FARP2: variants seen among roughly 807,000 people sequenced by gnomAD.
FARP2 encodes FERM, ARHGEF and pleckstrin domain-containing protein 2.
In FARP2, 111 loss-of-function variants were observed where a neutral mutation model predicts 130.5. The ratio of observed to expected loss-of-function variants is 0.85; its 90% CI spans 0.73 to 1.00. The LOEUF is 1.00. Among genes scored for constraint, FARP2 ranks in the 50% least tolerant of loss-of-function variants. The pLI is 0.00. For synonymous variants in FARP2, 504 were observed against 516.9 expected, an observed-to-expected ratio of 0.98 and a Z score of 0.34; for missense variants, 1,385 against 1,346.3, an observed-to-expected ratio of 1.03 and a Z score of -0.45.
rs969829778 is a variant in FARP2, at chr2:241,466,272, G to C, written c.1894-1868G>C. 3.0e-6 allele frequency: 3 copies of C among 985,452 alleles called. No homozygotes were observed. In the East Asian group the frequency reaches 3.4e-4, roughly 112 times the overall value. The allele number at this position is 985,452 out of a possible 1,614,324, so 61.0% of individuals were successfully genotyped here. ...GTGGTCCCTGGAGCCCCGGTGTGGA[G>C]TGGTGAGTCCCGGAGTAGTGCTTGT... On this transcript the variant is annotated intron_variant, in intron 17 of 26. Coordinates refer to ENST00000264042, the MANE Select transcript of FARP2 (RefSeq NM_014808.4).
intron 2 of FARP2, chr2:241,395,816 G>C (rs1330828583): frequency 6.6e-6 from 1 of 151,992 alleles, no homozygotes; most frequent in Non-Finnish European, 1.5e-5. Flanking sequence ...TTGTTTGTTT[G>C]TTTTCCAATA....
At chr2:241,377,050 C>T (rs1030422676) in intron 2 of FARP2, among the ~76,000 whole-genome samples, 1 of 152,144 alleles carries the variant, frequency 6.6e-6, no homozygotes, top group African/African-American at 2.4e-5. Context: ...TGTTTTCTAA[C>T]CTCAGGAATT....
chr2:241,399,706 T>G (rs1463227006), intron 2 of FARP2, among the ~76,000 whole-genome samples: 1 of 152,204 alleles, frequency 6.6e-6, no homozygotes, highest in African/African-American at 2.4e-5. Context: ...GGTTGTAATA[T>G]TCAGGTAGTC....
At chr2:241,464,135 C>T (rs1366290035) in intron 17 of FARP2, among the ~76,000 whole-genome samples, 155 bp downstream of exon 17, 1 of 151,992 alleles carries the variant, frequency 6.6e-6, no homozygotes, top group Admixed American at 6.5e-5. Flanking sequence ...GAACAGGGCC[C>T]CCTCAGAGCA....
At chr2:241,460,240 T>A (rs900621267) in intron 14 of FARP2, among the ~76,000 whole-genome samples, 1 of 152,168 alleles carries the variant, frequency 6.6e-6, no homozygotes, top group African/African-American at 2.4e-5. Context: ...GGACCAGCTC[T>A]GCCCCCAGAG....
chr2:241,381,300 AC>A (rs2061658533), intron 2 of FARP2, among the ~76,000 whole-genome samples: 1 of 151,776 alleles, frequency 6.6e-6, no homozygotes, highest in Non-Finnish European at 1.5e-5. Context: ...ACTCAGCTGT[AC>A]CCCGGCCTGC....
At chr2:241,465,239 A>T (rs1394279978) in intron 17 of FARP2, among the ~76,000 whole-genome samples, 1 of 152,062 alleles carries the variant, frequency 6.6e-6, no homozygotes, top group Admixed American at 6.6e-5. Context: ...GTCCTCCTCA[A>T]TGGGTCTGCC....
At chr2:241,414,627 G>T (rs191691563) in intron 7 of FARP2, among the ~76,000 whole-genome samples, 1 of 152,270 alleles carries the variant, frequency 6.6e-6, no homozygotes, top group African/African-American at 2.4e-5. Context: ...TGTGGATTTC[G>T]TGCACCTCAC....
chr2:241,438,876 T>C (rs1412253650), intron 12 of FARP2, among the ~76,000 whole-genome samples: 2 of 151,940 alleles, frequency 1.3e-5, no homozygotes, highest in African/African-American at 4.8e-5. Context: ...ATGATCCACC[T>C]GCTCAGCCTC....
At chr2:241,413,667 G>A (rs2062585942) in intron 7 of FARP2, among the ~76,000 whole-genome samples, 1 of 152,224 alleles carries the variant, frequency 6.6e-6, no homozygotes, top group Non-Finnish European at 1.5e-5. Context: ...AAGAAGCCAG[G>A]CACGGTGGCT....
At chr2:241,412,169 A>G (rs772013305) in intron 6 of FARP2, among the ~76,000 whole-genome samples, 10 of 152,204 alleles carry the variant, frequency 6.6e-5, no homozygotes, top group African/African-American at 1.7e-4. Flanking sequence ...CACTGCTGAT[A>G]GAGATGTGGC....
intron 13 of FARP2, among the ~76,000 whole-genome samples, chr2:241,453,480 G>A (rs2063735213): frequency 6.6e-6 from 1 of 151,822 alleles, no homozygotes; most frequent in Non-Finnish European, 1.5e-5. Flanking sequence ...AAATTAGCCA[G>A]GCATGGTGGT....
intron 6 of FARP2, among the ~76,000 whole-genome samples, chr2:241,412,061 G>A (rs2062533261): frequency 6.6e-6 from 1 of 152,058 alleles, no homozygotes; most frequent in Admixed American, 6.6e-5. Context: ...ATATGACTAG[G>A]GTCCACATCT....
chr2:241,388,900 C>A (rs2061846939), intron 2 of FARP2, among the ~76,000 whole-genome samples: 2 of 152,114 alleles, frequency 1.3e-5, no homozygotes, highest in Non-Finnish European at 1.5e-5. Context: ...GCCTTACCAC[C>A]AATATGGTGG....
intron 19 of FARP2, among the ~76,000 whole-genome samples, chr2:241,476,214 TAAAA>T (rs57746386): frequency 3.7e-5 from 4 of 108,156 alleles, no homozygotes; most frequent in South Asian, 3.0e-4. Flanking sequence ...TTCTATGAAT[TAAAA>T]AAAAAAAAAA....
chr2:241,456,727 C>G lies in FARP2; in HGVS notation c.1412-20C>G. The G allele has an allele frequency of 1.2e-6, 2 of 1,613,768 alleles. No individual in the cohort carries two copies. The highest frequency in any genetic ancestry group is 1.7e-6 in the Non-Finnish European group (2 of 1,179,722). On this transcript the variant is annotated intron_variant, in intron 13 of 26. Coordinates refer to ENST00000264042, the MANE Select transcript of FARP2 (RefSeq NM_014808.4). ...CCCTTTCTCATTTCTCGCTCCATCCCCCTCCCCGTTCATTTCCAGGCCTTT... is the reference window on the plus strand; with the variant it reads ...CCCTTTCTCATTTCTCGCTCCATCCGCCTCCCCGTTCATTTCCAGGCCTTT...
intron 19 of FARP2, among the ~76,000 whole-genome samples, chr2:241,481,998 C>A (rs551179656): frequency 6.6e-6 from 1 of 152,308 alleles, no homozygotes; most frequent in Non-Finnish European, 1.5e-5. Flanking sequence ...TCTCTAAAGT[C>A]ATGTCTGGAT....
At chr2:241,406,256 C>G (rs778922754) in intron 4 of FARP2, among the ~76,000 whole-genome samples, 14 of 151,476 alleles carry the variant, frequency 9.2e-5, no homozygotes, top group Admixed American at 2.0e-4. Context: ...TGCAGTGAGC[C>G]GAGATCACGT....
chr2:241,475,057 A>G lies in FARP2; in HGVS notation c.2132-800A>G, dbSNP rs1480123217. On this transcript the variant is annotated intron_variant, in intron 18 of 26. Coordinates refer to ENST00000264042, the MANE Select transcript of FARP2 (RefSeq NM_014808.4). This position sits in a 1 kb window ranked among gnomAD's most constrained non-coding sequence, Gnocchi z 4.4. Reference sequence around the variant, plus strand: ...TTCTCTTATCTTTGCTTGAACTATAAGATTAGCATCTGTTCCTGGTTAAAA... The same window carrying G: ...TTCTCTTATCTTTGCTTGAACTATAGGATTAGCATCTGTTCCTGGTTAAAA... Among the ~76,000 whole-genome samples, 2 of 152,228 alleles carry G rather than the reference A, an allele frequency of 1.3e-5. 1 individual carries two copies. Among genetic ancestry groups the G allele is most frequent in the Admixed American group, 1.3e-4 (2 of 15,284 alleles).
Sources: allele counts gnomAD v4.1 joint callset (sites outside exome capture counted in the v4.1 genomes callset), GRCh38; gene constraint gnomAD v4.1.1; non-coding constraint Gnocchi (gnomAD v3.1); transcripts MANE v1.5; gene names NCBI Gene and HGNC (gene_info 2026-07-23, HGNC 2026-07-21).